SLC25A21: variants seen among roughly 807,000 people sequenced by gnomAD.
The protein encoded by SLC25A21 is solute carrier family 25 member 21.
A neutral mutation model predicts 43.8 loss-of-function variants in SLC25A21; 47 were observed. The observed-to-expected ratio is 1.07, with a 90% CI of 0.85 to 1.37. The LOEUF is 1.37. Ranked by LOEUF, SLC25A21 falls within the 40% of genes most tolerant of loss-of-function variation. The pLI, the probability that SLC25A21 is intolerant of heterozygous loss-of-function variation, is 0.00. For missense variants in SLC25A21, 352 were observed against 350.2 expected (o/e 1.00, Z -0.04); for synonymous variants, 131 against 121.3 (o/e 1.08, Z -0.52).
At position 36,680,676 on chromosome 14, in the gene SLC25A21, C is replaced by A; in HGVS notation, c.882G>T (p.Trp294Cys). The A allele has an allele frequency of 6.2e-7, 1 of 1,612,800 alleles. No homozygotes were observed. The highest frequency in any genetic ancestry group is 1.3e-5 in the African/African-American group (1 of 74,974). The change falls in exon 10 of 10, where the codon TGG (tryptophan) becomes TGT (cysteine). Residue 294 changes from tryptophan (W) to cysteine (C), a missense_variant. Physicochemically the swap from Trp to Cys is radical, Grantham distance 215. Coordinates refer to ENST00000331299, the MANE Select transcript of SLC25A21 (RefSeq NM_030631.4). Reference sequence around the variant, plus strand: ...TAGGCAATCACCAGTTCTCTTGAAGCCATGAATAGGTGTATTCATAAACCA... The same window carrying A: ...TAGGCAATCACCAGTTCTCTTGAAGACATGAATAGGTGTATTCATAAACCA... Reference protein sequence around the residue: ...MLLVYEYTYSWLQENW With the variant: ...MLLVYEYTYSCLQENW
intron 1 of SLC25A21, among the ~76,000 whole-genome samples, chr14:36,978,883 A>C (rs1371690803): frequency 1.3e-5 from 2 of 152,140 alleles, no homozygotes; most frequent in South Asian, 4.1e-4. Context: ...TCTTCAAAAA[A>C]AGTTTACTGA....
chr14:36,955,805 A>C (rs769908623), intron 1 of SLC25A21, among the ~76,000 whole-genome samples: 1 of 152,134 alleles, frequency 6.6e-6, no homozygotes, highest in Non-Finnish European at 1.5e-5. Context: ...ACAACTTAAG[A>C]ACTGTTGCCT....
At chr14:36,919,505 A>G (rs897084819) in intron 1 of SLC25A21, among the ~76,000 whole-genome samples, 8 of 152,016 alleles carry the variant, frequency 5.3e-5, no homozygotes, top group Admixed American at 5.2e-4. Flanking sequence ...ATTTAAAGCA[A>G]TTTCTCTATC....
Position 36,741,891 on chromosome 14 carries a change from A to G in SLC25A21, c.204-7318T>C, listed in dbSNP as rs560206513. Among the ~76,000 whole-genome samples the G allele has an allele frequency of 1.3e-4, 20 of 152,338 alleles. No individual in the cohort carries two copies. In the South Asian group the frequency reaches 3.5e-3, roughly 27 times the overall value. On this transcript the variant is annotated intron_variant, in intron 3 of 9. Transcript: ENST00000331299. ...TCTGTATACCTAACAGAGTACAATT[A>G]CTACATTTTATTTTGTTTCAACAGC...
intron 1 of SLC25A21, among the ~76,000 whole-genome samples, chr14:37,098,746 TAGAC>T (rs1201386691): frequency 0.067 from 2,088 of 30,976 alleles, 55 homozygotes; most frequent in African/African-American, 0.11. Context: ...GATAGATAGA[TAGAC>T]AGACAGACAG....
At chr14:37,118,404 C>T (rs200611809) in intron 1 of SLC25A21, among the ~76,000 whole-genome samples, 3 of 151,958 alleles carry the variant, frequency 2.0e-5, no homozygotes, top group African/African-American at 7.2e-5. Flanking sequence ...CTCCTCCCAA[C>T]TATTTTTGAA....
At position 36,892,778 on chromosome 14, in the gene SLC25A21, T is replaced by A. The variant is rs922373804; in HGVS notation, c.71-17774A>T. 3.3e-5 allele frequency among the ~76,000 whole-genome samples: 5 copies of A among 151,780 alleles called. No homozygotes were observed. The East Asian group carries it at 9.8e-4, about 30-fold the overall frequency. The stretch of plus-strand genomic sequence containing the variant: ...GTGTTCTCAATGTTCAATTCCCACC[T>A]ATGAGTGAGAACATGCGGTGTTTGG... On this transcript the variant is annotated intron_variant, in intron 1 of 9. Coordinates refer to ENST00000331299, the MANE Select transcript of SLC25A21 (RefSeq NM_030631.4).
intron 3 of SLC25A21, among the ~76,000 whole-genome samples, chr14:36,810,019 T>G (rs1888178657): frequency 6.6e-6 from 1 of 152,178 alleles, no homozygotes; most frequent in Admixed American, 6.5e-5. Context: ...CTTTTTTTGT[T>G]TTTTCTTTCG....
chr14:36,716,894 A>G (rs1392035688), intron 6 of SLC25A21, among the ~76,000 whole-genome samples: 3 of 152,194 alleles, frequency 2.0e-5, no homozygotes, highest in African/African-American at 7.2e-5. Flanking sequence ...ACAGCATGTC[A>G]AAAGAAAGCA....
intron 1 of SLC25A21, among the ~76,000 whole-genome samples, chr14:37,104,405 G>A (rs949533157): frequency 6.6e-6 from 1 of 152,108 alleles, no homozygotes; most frequent in Non-Finnish European, 1.5e-5. Flanking sequence ...CTGGTCTAAG[G>A]TATTTTGTTA....
At chr14:37,069,074 G>T (rs1962120893) in intron 1 of SLC25A21, among the ~76,000 whole-genome samples, 1 of 152,112 alleles carries the variant, frequency 6.6e-6, no homozygotes, top group African/African-American at 2.4e-5. Context: ...CTACTCTGGA[G>T]GCTGACGCAG....
At chr14:36,968,370 G>A (rs537135427) in intron 1 of SLC25A21, among the ~76,000 whole-genome samples, 8 of 152,222 alleles carry the variant, frequency 5.3e-5, no homozygotes, top group African/African-American at 1.9e-4. Flanking sequence ...AGTCATTCCT[G>A]ACAAGCCCGG....
intron 3 of SLC25A21, among the ~76,000 whole-genome samples, chr14:36,811,059 G>A (rs1594609075): frequency 6.8e-6 from 1 of 146,736 alleles, no homozygotes; most frequent in East Asian, 2.1e-4. Flanking sequence ...GAAGAGCATG[G>A]AAAAGCCCTG....
intron 3 of SLC25A21, among the ~76,000 whole-genome samples, chr14:36,739,318 G>C (rs1487924449): frequency 6.6e-6 from 1 of 152,106 alleles, no homozygotes; most frequent in Non-Finnish European, 1.5e-5. Flanking sequence ...AGTTGTTTCA[G>C]AATGAGGAAA....
intron 1 of SLC25A21, among the ~76,000 whole-genome samples, chr14:36,913,023 T>C (rs913373688): frequency 1.1e-4 from 16 of 152,274 alleles, no homozygotes; most frequent in Admixed American, 3.3e-4. Context: ...TCCTTCAACC[T>C]GCCATTGGCT....
intron 1 of SLC25A21, among the ~76,000 whole-genome samples, chr14:36,930,906 T>C (rs1892268887): frequency 6.6e-6 from 1 of 152,114 alleles, no homozygotes; most frequent in African/African-American, 2.4e-5. Flanking sequence ...CCCCAAATGC[T>C]CTTTATTTTG....
At chr14:36,754,585 T>C (rs1306165366) in intron 3 of SLC25A21, among the ~76,000 whole-genome samples, 1 of 152,218 alleles carries the variant, frequency 6.6e-6, no homozygotes, top group Non-Finnish European at 1.5e-5. Context: ...GTAATTGATA[T>C]GGGACGGAAG....
intron 2 of SLC25A21, among the ~76,000 whole-genome samples, chr14:36,841,868 G>C (rs867222505): frequency 1.3e-5 from 2 of 152,162 alleles, no homozygotes; most frequent in Non-Finnish European, 2.9e-5. Flanking sequence ...AGACTACCCT[G>C]CTCATTTCTT....
At chr14:36,887,277 A>G (rs1890945047) in intron 1 of SLC25A21, among the ~76,000 whole-genome samples, 1 of 151,940 alleles carries the variant, frequency 6.6e-6, no homozygotes, top group Non-Finnish European at 1.5e-5. Flanking sequence ...CTAAAGTGAA[A>G]AAAAGGCCAG....
Sources: allele counts gnomAD v4.1 joint callset (sites outside exome capture counted in the v4.1 genomes callset), GRCh38; gene constraint gnomAD v4.1.1; transcripts MANE v1.5; gene names NCBI Gene and HGNC (gene_info 2026-07-23, HGNC 2026-07-21).